ADGRD2: variants seen among roughly 807,000 people sequenced by gnomAD.
The protein encoded by ADGRD2 is adhesion G protein-coupled receptor D2.
ADGRD2 carries 71 observed loss-of-function variants against 44.4 expected under a neutral mutation model. The ratio of observed to expected loss-of-function variants is 1.60; its 90% CI spans 1.32 to 1.95. The LOEUF is 1.95. Ranked by LOEUF, ADGRD2 falls within the 30% of genes most tolerant of loss-of-function variation. The probability of loss-of-function intolerance (pLI) is 0.00; values close to 1 mark genes in which losing one functional copy is unlikely to be tolerated. For synonymous variants in ADGRD2, 481 were observed against 224.8 expected (o/e 2.14, Z -10.19); for missense variants, 1,039 against 512.4 (o/e 2.03, Z -9.92).
chr9:124,457,805 G>A (rs1366500665), intron 8 of ADGRD2, among the ~76,000 whole-genome samples, 199 bp downstream of exon 11: 1 of 152,202 alleles, frequency 6.6e-6, no homozygotes, highest in Non-Finnish European at 1.5e-5. Flanking sequence ...CTCCTCCACC[G>A]AACCACACAC....
chr9:124,474,102 C>CCTGT (rs1832001838), intron 17 of ADGRD2, among the ~76,000 whole-genome samples: 1 of 151,946 alleles, frequency 6.6e-6, no homozygotes, highest in African/African-American at 2.4e-5. Flanking sequence ...ATGGTGAAAC[C>CCTGT]CTGTCTCTAC....
At chr9:124,468,018 G>A in intron 12 of ADGRD2, 70 bp from the exon 16 acceptor site, 1 of 717,686 alleles carries the variant, frequency 1.4e-6, no homozygotes, top group African/African-American at 1.7e-5. Flanking sequence ...GGATCGGGCA[G>A]GACAGGGCCC....
intron 10 of ADGRD2, among the ~76,000 whole-genome samples, chr9:124,460,374 G>GTATATATA (rs3050260): frequency 1.9e-3 from 156 of 80,326 alleles, no homozygotes; most frequent in African/African-American, 7.7e-3. Flanking sequence ...AGCTAATTTT[G>GTATATATA]TATATATATA....
exon 10 of ADGRD2, chr9:124,458,663 G>T: frequency 1.4e-6 from 1 of 718,716 alleles, no homozygotes; most frequent in Non-Finnish European, 2.6e-6. Context: ...TCTGAAGTGT[G>T]GGACGTCACT....
intron 3 of ADGRD2, 131 bp from the exon 7 acceptor site, chr9:124,453,868 C>CA: frequency 1.7e-6 from 1 of 598,810 alleles, no homozygotes. Context: ...CCCCCGGCCC[C>CA]CTTACCCCCA....
upstream of ADGRD2, chr9:124,451,823 C>T (rs561276446): frequency 2.3e-5 from 11 of 477,656 alleles, no homozygotes; most frequent in African/African-American, 2.2e-4. Flanking sequence ...AAGATAAGTC[C>T]TGGCACAGAC....
At chr9:124,472,889 A>G (rs1222567629) in intron 17 of ADGRD2, among the ~76,000 whole-genome samples, 1 of 152,188 alleles carries the variant, frequency 6.6e-6, no homozygotes, top group East Asian at 1.9e-4. Flanking sequence ...GCAGCCTCAG[A>G]TTACCCTTGG....
rs139516750 is a variant in ADGRD2 at position 124,473,468 on chromosome 9, C to T, written c.2759-1978C>T. On this transcript the variant is annotated intron_variant, in intron 17 of 21. Transcript: ENST00000334810. ...ATTCCCACCCTCCTCATGGGATCAT[C>T]GTGGAGTTCAGCTGACGTAACATTT... Among the ~76,000 whole-genome samples the T allele has an allele frequency of 2.9e-3, 444 of 152,298 alleles. 2 individuals carry two copies. The highest frequency in any genetic ancestry group is 4.6e-3 in the Non-Finnish European group (311 of 68,030).
Position 124,473,742 on chromosome 9 carries a change from G to A in ADGRD2, c.2759-1704G>A, listed in dbSNP as rs75542135. 4.3e-3 allele frequency among the ~76,000 whole-genome samples: 648 copies of A among 152,334 alleles called. 3 individuals are homozygous for A. Among genetic ancestry groups the A allele is most frequent in the African/African-American group, 0.014 (594 of 41,576 alleles). ...TGAGGCCGAGAGACAAGGGGCCTTG[G>A]TCAAGGCAGTGTGGGGACAGAGGAA... On this transcript the variant is annotated intron_variant, in intron 17 of 21. Coordinates refer to ENST00000334810, the Ensembl canonical transcript of ADGRD2.
chr9:124,453,216 G>A, exon 3 of ADGRD2: 2 of 615,660 alleles, frequency 3.2e-6, no homozygotes, highest in Admixed American at 3.0e-5. Context: ...CCAACGCGCT[G>A]CAGCTGCGCG....
chr9:124,473,723 C>G (rs894213213), intron 17 of ADGRD2, among the ~76,000 whole-genome samples: 1 of 152,110 alleles, frequency 6.6e-6, no homozygotes, highest in Admixed American at 6.6e-5. Context: ...TGACTGAGGC[C>G]GAGAGACAAG....
chr9:124,454,941 GGC>G lies in ADGRD2; in HGVS notation c.1208_1209del (p.Ala404SerfsTer54). On this transcript the variant is annotated frameshift_variant, in exon 6 of 22. Coordinates refer to ENST00000334810, the Ensembl canonical transcript of ADGRD2. LOFTEE classifies it high-confidence loss of function. This position sits in a 1 kb window ranked among gnomAD's most constrained non-coding sequence, Gnocchi z 4.5. ...TGGAGCATGTCCTGGCGATGGAGATGGCTCCCCTGGGGCCGGCCGCACTGCTG... is the reference window on the plus strand; with the variant it reads ...TGGAGCATGTCCTGGCGATGGAGATGTCCCCTGGGGCCGGCCGCACTGCTG... The G allele has an allele frequency of 2.8e-6, 2 of 717,582 alleles. No individual in the cohort carries two copies. The highest frequency in any genetic ancestry group is 5.2e-6 in the Non-Finnish European group (2 of 385,096). The allele number at this position is 717,582 out of a possible 1,614,324, so 44.5% of individuals were successfully genotyped here.
chr9:124,475,667 G>T (rs1203763338), intron 19 of ADGRD2, 52 bp downstream of exon 22: 2 of 608,440 alleles, frequency 3.3e-6, no homozygotes, highest in African/African-American at 1.9e-5. Flanking sequence ...CCAGAGCCAG[G>T]TCCCAGCCCC....
chr9:124,456,068 T>C (rs1831610556), intron 6 of ADGRD2, among the ~76,000 whole-genome samples: 1 of 152,156 alleles, frequency 6.6e-6, no homozygotes, highest in African/African-American at 2.4e-5. Flanking sequence ...CATAGTTGAT[T>C]AGGGATCCGA....
At chr9:124,453,461 A>G in exon 3 of ADGRD2, 1 of 699,390 alleles carries the variant, frequency 1.4e-6, no homozygotes, top group Non-Finnish European at 2.6e-6. Context: ...GGCCAGGATC[A>G]GGACTCTCTG....
intron 14 of ADGRD2, among the ~76,000 whole-genome samples, 165 bp from the exon 18 acceptor site, chr9:124,469,057 G>A (rs1831889216): frequency 6.6e-6 from 1 of 152,296 alleles, no homozygotes; most frequent in East Asian, 1.9e-4. Context: ...TGGCTCCAAT[G>A]CCACCCCAAC....
intron 10 of ADGRD2, among the ~76,000 whole-genome samples, chr9:124,460,492 A>G (rs982321763): frequency 6.6e-6 from 1 of 150,504 alleles, no homozygotes; most frequent in African/African-American, 2.5e-5. Context: ...TGCTGGGATT[A>G]CAGGTGTGAG....
At chr9:124,465,897 C>T (rs1240001029) in intron 10 of ADGRD2, 4 of 167,406 alleles carry the variant, frequency 2.4e-5, no homozygotes, top group Non-Finnish European at 5.1e-5. Context: ...GTCAAATTGG[C>T]GTTGAACTTG....
At chr9:124,466,713 G>A in intron 11 of ADGRD2, 1 of 192,502 alleles carries the variant, frequency 5.2e-6, no homozygotes, top group Non-Finnish European at 1.1e-5. Context: ...AGGAGGCTGA[G>A]GCAGGAGGAT....
Sources: allele counts gnomAD v4.1 joint callset (sites outside exome capture counted in the v4.1 genomes callset), GRCh38; gene constraint gnomAD v4.1.1; non-coding constraint Gnocchi (gnomAD v3.1); transcripts MANE v1.5; gene names NCBI Gene and HGNC (gene_info 2026-07-23, HGNC 2026-07-21).